The following MARCHF1 variants were observed in gnomAD, a reference collection of about 807,000 sequenced individuals.
MARCHF1 encodes membrane associated ring-CH-type finger 1, also known as E3 ubiquitin-protein ligase MARCHF1.
In MARCHF1, 40 loss-of-function variants were observed where a neutral mutation model predicts 54.2. That is an observed-to-expected ratio of 0.74 (90% CI 0.57 to 0.96). The LOEUF (loss-of-function observed/expected upper bound fraction) is 0.96, where lower values mean the gene tolerates loss of function less well. MARCHF1 is among the 40% of genes least tolerant of loss of function. MARCHF1 has a pLI of 0.00. For synonymous variants in MARCHF1, 236 were observed against 236.3 expected, an observed-to-expected ratio of 1.00 and a Z score of 0.01; for missense variants, 586 against 656.5, an observed-to-expected ratio of 0.89 and a Z score of 1.17.
intron 1 of MARCHF1, among the ~76,000 whole-genome samples, chr4:164,285,603 C>T (rs892153798): frequency 1.3e-5 from 2 of 151,424 alleles, no homozygotes; most frequent in Admixed American, 6.6e-5. Flanking sequence ...CAACCACGCC[C>T]GGCTAAATTT....
At chr4:164,367,833 G>A (rs924725053) in intron 1 of MARCHF1, among the ~76,000 whole-genome samples, 9 of 151,980 alleles carry the variant, frequency 5.9e-5, no homozygotes, top group Admixed American at 5.2e-4. Context: ...GCAGGAAGGT[G>A]TAAATTAACC....
rs577812788 is a variant in MARCHF1 at position 163,525,928 on chromosome 4, T to C, written c.*2820A>G. ...ATCAACATTAGATTTTAAATGCAGG[T>C]AGTTATTTCAGATGTTTGAACCATA... On this transcript the variant is annotated 3_prime_UTR_variant, in exon 10 of 10. Transcript: ENST00000514618. 1 of 152,264 alleles carries C rather than the reference T, an allele frequency of 6.6e-6. No homozygotes were observed. The highest frequency in any genetic ancestry group is 1.5e-5 in the Non-Finnish European group (1 of 67,980). 9.4% of individuals were successfully genotyped at this position (152,264 alleles called of 1,614,324 possible).
At chr4:164,290,305 CT>C (rs1734257343) in intron 1 of MARCHF1, among the ~76,000 whole-genome samples, 2 of 151,978 alleles carry the variant, frequency 1.3e-5, no homozygotes, top group Admixed American at 1.3e-4. Context: ...TCAGAGAGAC[CT>C]GTTAGTTAAT....
chr4:164,168,164 T>C (rs1045313540), intron 1 of MARCHF1, among the ~76,000 whole-genome samples: 1 of 151,742 alleles, frequency 6.6e-6, no homozygotes, highest in African/African-American at 2.4e-5. Flanking sequence ...TATATGAAAA[T>C]GAAAATGTAC....
intron 1 of MARCHF1, among the ~76,000 whole-genome samples, chr4:164,301,748 A>G (rs1275446559): frequency 6.6e-6 from 1 of 152,240 alleles, no homozygotes; most frequent in Non-Finnish European, 1.5e-5. Flanking sequence ...TTCATATCAT[A>G]TACAGCAAAT....
intron 1 of MARCHF1, among the ~76,000 whole-genome samples, chr4:164,374,568 A>G (rs557937026): frequency 2.6e-5 from 4 of 152,122 alleles, no homozygotes; most frequent in Admixed American, 6.5e-5. Context: ...TAGAAATAGC[A>G]TCTATTATCA....
chr4:164,259,028 T>C (rs6831264), intron 1 of MARCHF1, among the ~76,000 whole-genome samples: 17,674 of 152,172 alleles, frequency 0.12, 1,612 homozygotes, highest in African/African-American at 0.25. Context: ...CTTCTGAGAA[T>C]CTATTTTATT....
intron 4 of MARCHF1, among the ~76,000 whole-genome samples, chr4:163,702,026 C>T (rs1465375410): frequency 6.6e-6 from 1 of 152,100 alleles, no homozygotes; most frequent in Non-Finnish European, 1.5e-5. Context: ...TGTGTTATTG[C>T]AGAAAAACAG....
chr4:164,043,254 AG>A (rs1376068521), intron 2 of MARCHF1, among the ~76,000 whole-genome samples: 1 of 152,224 alleles, frequency 6.6e-6, no homozygotes, highest in Non-Finnish European at 1.5e-5. Flanking sequence ...CCATCCCTGC[AG>A]CAGACTTCTG....
At chr4:164,010,862 A>G (rs1366647168) in intron 2 of MARCHF1, among the ~76,000 whole-genome samples, 1 of 152,156 alleles carries the variant, frequency 6.6e-6, no homozygotes, top group East Asian at 1.9e-4. Context: ...TGCCTTCAAA[A>G]TTTACTACAA....
intron 1 of MARCHF1, among the ~76,000 whole-genome samples, chr4:164,140,860 T>C (rs1210406814): frequency 6.6e-6 from 1 of 152,162 alleles, no homozygotes; most frequent in East Asian, 1.9e-4. Flanking sequence ...CATCTCTAAC[T>C]AATCATAACA....
chr4:164,376,115 T>TA (rs1453825519), intron 1 of MARCHF1, among the ~76,000 whole-genome samples: 2 of 152,178 alleles, frequency 1.3e-5, no homozygotes, highest in Non-Finnish European at 2.9e-5. Context: ...ATCATTACAT[T>TA]ACCAGGACCT....
chr4:163,838,008 C>T (rs1426347784), intron 4 of MARCHF1, among the ~76,000 whole-genome samples: 1 of 151,948 alleles, frequency 6.6e-6, no homozygotes, highest in Non-Finnish European at 1.5e-5. Context: ...TAAGATGGGT[C>T]AAAAAATCTT....
At chr4:163,844,416 CTTTAA>C (rs1749428435) in intron 4 of MARCHF1, among the ~76,000 whole-genome samples, 1 of 152,030 alleles carries the variant, frequency 6.6e-6, no homozygotes. Flanking sequence ...GTGCAGAGTT[CTTTAA>C]TTTAATTTGC....
At chr4:164,294,436 C>T (rs758851291) in intron 1 of MARCHF1, among the ~76,000 whole-genome samples, 1 of 152,162 alleles carries the variant, frequency 6.6e-6, no homozygotes. Context: ...TAGCTCCAGC[C>T]ACACCAACGG....
chr4:163,929,485 T>C (rs578109931), intron 3 of MARCHF1, among the ~76,000 whole-genome samples: 1 of 152,158 alleles, frequency 6.6e-6, no homozygotes, highest in African/African-American at 2.4e-5. Flanking sequence ...AGTGATCAGA[T>C]TGACTTAACA....
intron 4 of MARCHF1, among the ~76,000 whole-genome samples, chr4:163,741,005 C>CTATA (rs1168251171): frequency 6.6e-6 from 1 of 152,180 alleles, no homozygotes; most frequent in African/African-American, 2.4e-5. Context: ...GATACCTTCT[C>CTATA]TATAGTCTCC....
chr4:164,012,700 T>A (rs1422270850), intron 2 of MARCHF1, among the ~76,000 whole-genome samples: 1 of 152,084 alleles, frequency 6.6e-6, no homozygotes, highest in African/African-American at 2.4e-5. Flanking sequence ...CAAGAGAGAC[T>A]CCTTTTGATT....
intron 5 of MARCHF1, among the ~76,000 whole-genome samples, chr4:163,623,773 T>C (rs989489851): frequency 2.0e-5 from 3 of 152,172 alleles, no homozygotes; most frequent in African/African-American, 7.2e-5. Context: ...TTTTTCTGCA[T>C]TCTTGTCTCA....
Sources: gnomAD v4.1 joint callset for allele counts (sites outside exome capture counted in the v4.1 genomes callset) on GRCh38, gnomAD v4.1.1 for gene constraint, MANE v1.5 for transcripts, NCBI Gene and HGNC (gene_info 2026-07-23, HGNC 2026-07-21) for gene names.